The following THRB variants were observed in gnomAD, a reference collection of about 807,000 sequenced individuals.
THRB encodes the protein thyroid hormone receptor beta.
In THRB, 12 loss-of-function variants were observed where a neutral mutation model predicts 47.8. The observed-to-expected ratio is 0.25, with a 90% CI of 0.16 to 0.41. The LOEUF (loss-of-function observed/expected upper bound fraction) is 0.41, where lower values mean the gene tolerates loss of function less well. Ranked by LOEUF, THRB falls within the 10% of genes least tolerant of loss-of-function variation. THRB has a pLI of 1.00. For missense variants in THRB, 348 were observed against 589.2 expected (o/e 0.59, Z 4.24); for synonymous variants, 218 against 212.2 (o/e 1.03, Z -0.24).
chr3:24,422,567 T>A (rs1330367786), intron 1 of THRB, among the ~76,000 whole-genome samples: 1 of 151,930 alleles, frequency 6.6e-6, no homozygotes, highest in Non-Finnish European at 1.5e-5. Context: ...AGATGAAAGC[T>A]TAGATTTCCA....
intron 3 of THRB, among the ~76,000 whole-genome samples, chr3:24,287,048 T>C (rs2055378738): frequency 6.6e-6 from 1 of 152,200 alleles, no homozygotes; most frequent in Non-Finnish European, 1.5e-5. Context: ...CAAGCAACCT[T>C]TTGAAGGCCC....
At chr3:24,233,531 AAAAG>A (rs1559682815) in intron 3 of THRB, among the ~76,000 whole-genome samples, 4 of 111,734 alleles carry the variant, frequency 3.6e-5, no homozygotes, top group South Asian at 3.2e-4. Context: ...GGAAGGAAGG[AAAAG>A]AAAGAAAGAG....
chr3:24,149,608 T>C (rs1413000935), intron 6 of THRB, among the ~76,000 whole-genome samples: 2 of 152,260 alleles, frequency 1.3e-5, no homozygotes, highest in Admixed American at 6.5e-5. Flanking sequence ...CTATCTCTGA[T>C]GACTTGTCTT....
At chr3:24,365,403 C>T (rs1160525429) in intron 1 of THRB, among the ~76,000 whole-genome samples, 1 of 152,156 alleles carries the variant, frequency 6.6e-6, no homozygotes, top group African/African-American at 2.4e-5. Context: ...TTTATAAAAA[C>T]AAATAAACTA....
chr3:24,142,195 T>C (rs140731256), intron 8 of THRB, among the ~76,000 whole-genome samples: 22 of 152,312 alleles, frequency 1.4e-4, no homozygotes, highest in African/African-American at 4.3e-4. Context: ...CTTCTGTGTC[T>C]TACTTCTCTC....
chr3:24,443,789 A>AAT (rs1311283144), intron 1 of THRB, among the ~76,000 whole-genome samples: 1 of 152,210 alleles, frequency 6.6e-6, no homozygotes, highest in East Asian at 1.9e-4. Context: ...GGATACTCAT[A>AAT]ATATCCTCAC....
At chr3:24,155,960 C>T (rs943997971) in intron 5 of THRB, among the ~76,000 whole-genome samples, 1 of 152,190 alleles carries the variant, frequency 6.6e-6, no homozygotes, top group African/African-American at 2.4e-5. Flanking sequence ...ATATATTTCC[C>T]TCAGCTCTTG....
rs193239944 is a variant in THRB at position 24,383,462 on chromosome 3, T to A, written c.-260-46091A>T. ...TTAAATATGTGTATTTATTTGCACA[T>A]TTATTAATAGTAGGTACACTGAATA... On this transcript the variant is annotated intron_variant, in intron 1 of 10. Transcript: ENST00000646209. Among the ~76,000 whole-genome samples, 751 of 152,302 alleles carry A rather than the reference T, an allele frequency of 4.9e-3. 5 individuals are homozygous for A. The highest frequency in any genetic ancestry group is 7.2e-3 in the Non-Finnish European group (491 of 68,022).
intron 2 of THRB, among the ~76,000 whole-genome samples, chr3:24,311,147 A>T (rs1253421009): frequency 1.3e-5 from 2 of 152,124 alleles, no homozygotes; most frequent in African/African-American, 2.4e-5. Flanking sequence ...CTGAAGAGGG[A>T]TGGGAAGCCA....
At chr3:24,285,213 A>G (rs577190017) in intron 3 of THRB, among the ~76,000 whole-genome samples, 1 of 149,102 alleles carries the variant, frequency 6.7e-6, no homozygotes, top group East Asian at 1.9e-4. Context: ...CTGGATTAAG[A>G]AAATGTGGCA....
chr3:24,319,004 C>T (rs1026618861), intron 2 of THRB, among the ~76,000 whole-genome samples: 4 of 152,200 alleles, frequency 2.6e-5, no homozygotes, highest in African/African-American at 9.7e-5. Context: ...TTATGACTCA[C>T]CCATTTTAGG....
intron 2 of THRB, among the ~76,000 whole-genome samples, chr3:24,306,166 G>C (rs547595585): frequency 6.6e-6 from 1 of 152,284 alleles, no homozygotes; most frequent in South Asian, 2.1e-4. Context: ...TTAAGGGCCC[G>C]GGGTTTGCTT....
intron 1 of THRB, among the ~76,000 whole-genome samples, chr3:24,406,614 TA>T (rs5847291): frequency 0.73 from 108,881 of 149,708 alleles, 39,916 homozygotes; most frequent in African/African-American, 0.83. Flanking sequence ...CTTGTACTCT[TA>T]AAAAAAAAAA....
intron 1 of THRB, among the ~76,000 whole-genome samples, chr3:24,432,894 T>C (rs1335241024): frequency 3.3e-5 from 5 of 152,046 alleles, no homozygotes; most frequent in Admixed American, 3.3e-4. Context: ...GAGAGAATGT[T>C]ACCCTTTAAG....
chr3:24,368,023 G>A (rs1227657005), intron 1 of THRB, among the ~76,000 whole-genome samples: 1 of 151,954 alleles, frequency 6.6e-6, no homozygotes, highest in African/African-American at 2.4e-5. Flanking sequence ...AGCCAGAGTT[G>A]GTCTATGGGT....
chr3:24,168,470 T>A (rs1429987370), intron 5 of THRB, among the ~76,000 whole-genome samples: 1 of 149,880 alleles, frequency 6.7e-6, no homozygotes, highest in Non-Finnish European at 1.5e-5. Flanking sequence ...ATAATTCCGA[T>A]TAGAAGTGTT....
chr3:24,408,011 T>A (rs757797868), intron 1 of THRB, among the ~76,000 whole-genome samples: 1 of 151,882 alleles, frequency 6.6e-6, no homozygotes. Context: ...TTAAAAAGTA[T>A]GCCATCTTTT....
intron 1 of THRB, among the ~76,000 whole-genome samples, chr3:24,419,131 C>A (rs968192260): frequency 1.3e-5 from 2 of 151,844 alleles, no homozygotes; most frequent in African/African-American, 4.8e-5. Flanking sequence ...CATAGGGCAT[C>A]GAGATAAAAA....
At position 24,169,162 on chromosome 3, in the gene THRB, A is replaced by G. The variant is rs543835990; in HGVS notation, c.284-16672T>C. ...GAACCGCTAAATTTTAGTTGGGCTC[A>G]TGGCCCCTGAGAAAAAAACTATACG... On this transcript the variant is annotated intron_variant, in intron 5 of 10. Transcript: ENST00000646209. Among the ~76,000 whole-genome samples the G allele has an allele frequency of 3.3e-5, 5 of 152,312 alleles. No individual in the cohort carries two copies. In the South Asian group the frequency reaches 1.0e-3, roughly 32 times the overall value.
Sources: gnomAD v4.1 joint callset for allele counts (sites outside exome capture counted in the v4.1 genomes callset) on GRCh38, gnomAD v4.1.1 for gene constraint, MANE v1.5 for transcripts, NCBI Gene and HGNC (gene_info 2026-07-23, HGNC 2026-07-21) for gene names.